XPNPEP2: variants seen among roughly 807,000 people sequenced by gnomAD.
The protein encoded by XPNPEP2 is X-prolyl aminopeptidase 2, also known as xaa-Pro aminopeptidase 2.
A neutral mutation model predicts 59.8 loss-of-function variants in XPNPEP2; 64 were observed. That is an observed-to-expected ratio of 1.07 (90% CI 0.87 to 1.32). The LOEUF (loss-of-function observed/expected upper bound fraction) is 1.32, where lower values mean the gene tolerates loss of function less well. Ranked by LOEUF, XPNPEP2 falls within the 40% of genes most tolerant of loss-of-function variation. The pLI is 0.00. For synonymous variants in XPNPEP2, 235 were observed against 210.0 expected (o/e 1.12, Z -1.03); for missense variants, 575 against 546.8 (o/e 1.05, Z -0.51).
intron 5 of XPNPEP2, 95 bp downstream of exon 5, chrX:129,746,435 G>A: frequency 2.1e-6 from 2 of 965,982 alleles, no homozygotes; most frequent in South Asian, 2.0e-5. Flanking sequence ...ACCATGCTGG[G>A]CCTCTATGGG....
chrX:129,747,733 C>T lies in XPNPEP2; in HGVS notation c.617C>T (p.Ala206Val), dbSNP rs1926327512. ...CCGGTTCCAAATCAACCCATTTATGCCCTGCAGGAGGCATTCACAGGTGAT... is the reference window on the plus strand; with the variant it reads ...CCGGTTCCAAATCAACCCATTTATGTCCTGCAGGAGGCATTCACAGGTGAT... ...RPPVPNQPIY[A>V]LQEAFTGSTW... The change falls in exon 7 of 21, where the codon GCC (alanine) becomes GTC (valine). Residue 206 changes from alanine (A) to valine (V), a missense_variant. By Grantham distance (64) the Ala-to-Val change is moderately conservative. Coordinates refer to ENST00000371106, the MANE Select transcript of XPNPEP2 (RefSeq NM_003399.6). 1 of 1,210,519 alleles carries T rather than the reference C, an allele frequency of 8.3e-7. No individual in the cohort carries two copies. The highest frequency in any genetic ancestry group is 1.1e-6 in the Non-Finnish European group (1 of 895,336).
chrX:129,740,657 G>T (rs764439336), intron 1 of XPNPEP2, among the ~76,000 whole-genome samples: 1 of 105,956 alleles, frequency 9.4e-6, no homozygotes, highest in Non-Finnish European at 1.9e-5. Flanking sequence ...GGCGCGGGGG[G>T]CGTTGGGCGC....
At chrX:129,758,084 G>C (rs989162681) in intron 14 of XPNPEP2, among the ~76,000 whole-genome samples, 1 of 111,259 alleles carries the variant, frequency 9.0e-6, no homozygotes, top group Admixed American at 9.5e-5. Context: ...TGGGAAGCGT[G>C]GGGTGGGACA....
chrX:129,741,173 G>GA (rs1556388393), intron 1 of XPNPEP2, among the ~76,000 whole-genome samples: 2 of 36,861 alleles, frequency 5.4e-5, no homozygotes, highest in Non-Finnish European at 8.4e-5. Flanking sequence ...AATGAATATT[G>GA]GGGGGGGGTC....
Position 129,767,666 on chromosome X carries a change from G to A in XPNPEP2, c.1804G>A (p.Asp602Asn). The A allele has an allele frequency of 8.3e-7, 1 of 1,211,571 alleles. No individual in the cohort carries two copies. Among genetic ancestry groups the A allele is most frequent in the Non-Finnish European group, 1.1e-6 (1 of 895,455 alleles). Reference protein sequence around the residue: ...SFVPYDRNLIDVSLLSPEHLQ... With the variant: ...SFVPYDRNLINVSLLSPEHLQ... ...TGTGCCCTATGACCGGAACCTCATCGATGTCAGCCTGCTGTCTCCCGAGCA... is the reference window on the plus strand; with the variant it reads ...TGTGCCCTATGACCGGAACCTCATCAATGTCAGCCTGCTGTCTCCCGAGCA... The change falls in exon 20 of 21, where the codon GAT becomes AAT. Residue 602 changes from aspartate to asparagine, a missense_variant. Transcript: ENST00000371106.
chrX:129,751,632 AAGGAAGGAAGGG>A lies in XPNPEP2; in HGVS notation c.740-103_740-92del, dbSNP rs1569476611. On this transcript the variant is annotated intron_variant, in intron 8 of 20. Coordinates refer to ENST00000371106, the MANE Select transcript of XPNPEP2 (RefSeq NM_003399.6). ...GAAGGAAGGAAGGAAGGAAGGAAGGAAGGAAGGAAGGGAGGAAGGAAAGAAGGAAGGAAGGAA... is the reference window on the plus strand; with the variant it reads ...GAAGGAAGGAAGGAAGGAAGGAAGGAAGGAAGGAAAGAAGGAAGGAAGGAA... 3 of 420,313 alleles carry A rather than the reference AAGGAAGGAAGGG, an allele frequency of 7.1e-6. No individual in the cohort carries two copies. In the East Asian group the frequency reaches 1.2e-4, roughly 17 times the overall value. The allele number at this position is 420,313 out of a possible 1,213,427, so 34.6% of individuals were successfully genotyped here. A position where few individuals can be genotyped will look rare whatever the true frequency, so the allele number is the denominator to read the frequency against.
intron 8 of XPNPEP2, among the ~76,000 whole-genome samples, 183 bp from the exon 9 acceptor site, chrX:129,751,560 AAG>A (rs1175163416): frequency 1.5e-5 from 1 of 64,906 alleles, no homozygotes; most frequent in Non-Finnish European, 2.9e-5. Context: ...GAAAGAAAGA[AAG>A]AAAGAAAGAA....
intron 15 of XPNPEP2, among the ~76,000 whole-genome samples, chrX:129,759,451 G>A (rs1390666812): frequency 8.9e-6 from 1 of 112,952 alleles, no homozygotes; most frequent in African/African-American, 3.2e-5. Context: ...CCCAAGCTGA[G>A]CCTCATCCTA....
chrX:129,757,948 A>G (rs1926584367), intron 14 of XPNPEP2, among the ~76,000 whole-genome samples: 1 of 101,467 alleles, frequency 9.9e-6, no homozygotes, highest in South Asian at 4.3e-4. Context: ...AGAAAGAAAG[A>G]AAGAAAGAAA....
intron 8 of XPNPEP2, among the ~76,000 whole-genome samples, chrX:129,751,112 C>CG (rs1420813020): frequency 2.3e-5 from 2 of 87,682 alleles, no homozygotes; most frequent in Non-Finnish European, 4.6e-5. Context: ...CCACCCCCCC[C>CG]CCCCGGCAAA....
intron 8 of XPNPEP2, 134 bp downstream of exon 8, chrX:129,750,703 A>G: frequency 1.9e-6 from 1 of 527,606 alleles, no homozygotes; most frequent in Non-Finnish European, 2.9e-6. Context: ...CTCCATGGCC[A>G]CAGCCCGTGG....
intron 5 of XPNPEP2, 36 bp downstream of exon 5, chrX:129,746,376 G>C (rs774117252): frequency 2.6e-6 from 3 of 1,159,188 alleles, no homozygotes; most frequent in Non-Finnish European, 3.5e-6. Context: ...CCCAAGTCTT[G>C]GGACCTGGAC....
intron 15 of XPNPEP2, 120 bp from the exon 16 acceptor site, chrX:129,760,392 C>G (rs1331487079): frequency 6.8e-6 from 5 of 732,699 alleles, no homozygotes; most frequent in Non-Finnish European, 9.9e-6. Flanking sequence ...GAGACTCCCC[C>G]CACCCTGCCT....
chrX:129,742,284 C>G, intron 2 of XPNPEP2, 103 bp downstream of exon 2: 1 of 439,453 alleles, frequency 2.3e-6, no homozygotes, highest in South Asian at 4.0e-5. Context: ...CCTGCTCTAT[C>G]ATCTTCTCTA....
chrX:129,767,694 T>A lies in XPNPEP2; in HGVS notation c.1830+2T>A, dbSNP rs1213682063. ...GTCAGCCTGCTGTCTCCCGAGCATG[T>A]GAGTGCCCCTCAGCATTGCCTTCTC... On this transcript the variant is annotated splice_donor_variant, in intron 20 of 20. Transcript: ENST00000371106. LOFTEE classifies it high-confidence loss of function. 2 of 1,210,961 alleles carry A rather than the reference T, an allele frequency of 1.7e-6. No homozygotes were observed. Among genetic ancestry groups the A allele is most frequent in the Non-Finnish European group, 2.2e-6 (2 of 894,737 alleles).
chrX:129,756,043 C>A (rs1348460752), intron 13 of XPNPEP2, among the ~76,000 whole-genome samples: 2 of 112,234 alleles, frequency 1.8e-5, no homozygotes, highest in Admixed American at 1.9e-4. Context: ...CTTCTCAGGG[C>A]CCTCTGCTCT....
At chrX:129,759,517 G>A (rs947543148) in intron 15 of XPNPEP2, among the ~76,000 whole-genome samples, 1 of 112,573 alleles carries the variant, frequency 8.9e-6, no homozygotes, top group African/African-American at 3.2e-5. Context: ...GCCTGGCCCT[G>A]TACTCAGCAG....
At chrX:129,749,461 C>CA (rs1259748878) in intron 7 of XPNPEP2, among the ~76,000 whole-genome samples, 1 of 112,745 alleles carries the variant, frequency 8.9e-6, no homozygotes, top group African/African-American at 3.2e-5. Flanking sequence ...AATAAACCTA[C>CA]AAAAATGTAT....
intron 19 of XPNPEP2, 26 bp from the exon 20 acceptor site, chrX:129,767,577 A>T (rs769899128): frequency 2.4e-5 from 29 of 1,198,920 alleles, no homozygotes; most frequent in Non-Finnish European, 2.9e-5. Flanking sequence ...TGTCCTGCTT[A>T]CCCGGCTTCT....
Sources: allele counts gnomAD v4.1 joint callset (sites outside exome capture counted in the v4.1 genomes callset), GRCh38; gene constraint gnomAD v4.1.1; transcripts MANE v1.5; gene names NCBI Gene and HGNC (gene_info 2026-07-23, HGNC 2026-07-21).